The following WDR7 variants were observed in gnomAD, a reference collection of about 807,000 sequenced individuals.
WDR7 encodes the protein WD repeat domain 7, also known as WD repeat-containing protein 7.
In WDR7, 46 loss-of-function variants were observed where a neutral mutation model predicts 169.4. The ratio of observed to expected loss-of-function variants is 0.27; its 90% CI spans 0.21 to 0.35. The LOEUF (loss-of-function observed/expected upper bound fraction) is 0.35. Ranked by LOEUF, WDR7 falls within the 10% of genes least tolerant of loss-of-function variation. The probability of loss-of-function intolerance (pLI) is 1.00; values close to 1 mark genes in which losing one functional copy is unlikely to be tolerated. For synonymous variants in WDR7, 612 were observed against 666.8 expected, an observed-to-expected ratio of 0.92 and a Z score of 1.27; for missense variants, 1,534 against 1,859.3, an observed-to-expected ratio of 0.83 and a Z score of 3.22.
intron 19 of WDR7, among the ~76,000 whole-genome samples, chr18:56,809,103 G>T (rs1345910092): frequency 6.6e-6 from 1 of 151,902 alleles, no homozygotes; most frequent in Non-Finnish European, 1.5e-5. Context: ...TCCTCCTGAT[G>T]CATGATATAA....
intron 16 of WDR7, among the ~76,000 whole-genome samples, chr18:56,765,412 G>A (rs1372884206): frequency 6.6e-6 from 1 of 151,174 alleles, no homozygotes. Flanking sequence ...TATTATTTTA[G>A]TAGTTTTTTT....
chr18:56,880,962 A>G (rs1199910973), intron 21 of WDR7, among the ~76,000 whole-genome samples: 1 of 152,250 alleles, frequency 6.6e-6, no homozygotes, highest in Non-Finnish European at 1.5e-5. Context: ...AGGAACAAAT[A>G]TAGTCCAACT....
chr18:56,704,684 G>T (rs559681941), intron 12 of WDR7, among the ~76,000 whole-genome samples: 10 of 152,120 alleles, frequency 6.6e-5, no homozygotes, highest in Admixed American at 2.6e-4. Context: ...GCAGTGAGAG[G>T]CCCCTTTAAC....
intron 1 of WDR7, among the ~76,000 whole-genome samples, chr18:56,662,136 G>GCC (rs1568123561): frequency 2.6e-5 from 4 of 152,058 alleles, no homozygotes; most frequent in Admixed American, 2.6e-4. Context: ...TCATGTATGC[G>GCC]CATCCTCGTG....
At chr18:56,849,947 G>A (rs1448088600) in intron 20 of WDR7, among the ~76,000 whole-genome samples, 2 of 152,066 alleles carry the variant, frequency 1.3e-5, no homozygotes, top group East Asian at 1.9e-4. Context: ...TGTATGATCT[G>A]CTCCTGTGTG....
At chr18:56,832,280 G>A (rs769355509) in intron 20 of WDR7, among the ~76,000 whole-genome samples, 8 of 152,220 alleles carry the variant, frequency 5.3e-5, no homozygotes, top group East Asian at 1.9e-4. Context: ...TAGAAAGACT[G>A]CCTCTCTAGA....
At chr18:56,904,270 A>G (rs8082914) in intron 21 of WDR7, among the ~76,000 whole-genome samples, 1 of 152,098 alleles carries the variant, frequency 6.6e-6, no homozygotes, top group Non-Finnish European at 1.5e-5. Flanking sequence ...AGGTTTCACC[A>G]TGTTAGCCAG....
chr18:56,990,308 A>G (rs751649332), intron 26 of WDR7, among the ~76,000 whole-genome samples: 2 of 152,212 alleles, frequency 1.3e-5, no homozygotes, highest in Non-Finnish European at 2.9e-5. Flanking sequence ...GCAGGAAAGG[A>G]ACTTGGAGCA....
intron 19 of WDR7, among the ~76,000 whole-genome samples, chr18:56,815,592 G>A (rs1441295765): frequency 3.9e-5 from 6 of 152,166 alleles, no homozygotes; most frequent in Middle Eastern, 6.8e-3. Flanking sequence ...CTTAGCCCCA[G>A]GGCACAAATT....
intron 20 of WDR7, among the ~76,000 whole-genome samples, chr18:56,848,839 A>T (rs1432326400): frequency 6.6e-6 from 1 of 152,148 alleles, no homozygotes; most frequent in Non-Finnish European, 1.5e-5. Context: ...AGCCAAGAAG[A>T]TGCTGGCACC....
chr18:56,937,877 A>G (rs556968837), intron 23 of WDR7, among the ~76,000 whole-genome samples: 6 of 152,346 alleles, frequency 3.9e-5, no homozygotes, highest in African/African-American at 1.4e-4. Flanking sequence ...AACATAAACA[A>G]TTAACACATA....
At chr18:56,914,033 A>G (rs1461654133) in intron 21 of WDR7, among the ~76,000 whole-genome samples, 4 of 152,114 alleles carry the variant, frequency 2.6e-5, no homozygotes, top group African/African-American at 9.7e-5. Context: ...TGACACTTAG[A>G]ATAAAACCCC....
chr18:56,931,974 T>G (rs1568273300), intron 22 of WDR7, among the ~76,000 whole-genome samples: 1 of 152,068 alleles, frequency 6.6e-6, no homozygotes, highest in Non-Finnish European at 1.5e-5. Context: ...GTTTAGAGTT[T>G]TTCCTAGAGG....
chr18:56,719,416 G>T (rs2026266647), intron 13 of WDR7, among the ~76,000 whole-genome samples: 1 of 152,038 alleles, frequency 6.6e-6, no homozygotes, highest in Non-Finnish European at 1.5e-5. Context: ...CAAAAAATTA[G>T]CCGGGCATGT....
chr18:56,962,790 T>C (rs991701219), intron 26 of WDR7, among the ~76,000 whole-genome samples: 1 of 152,174 alleles, frequency 6.6e-6, no homozygotes, highest in Non-Finnish European at 1.5e-5. Context: ...GCAATACATA[T>C]TTTCTTGTTT....
intron 16 of WDR7, 92 bp downstream of exon 16, chr18:56,759,045 T>A (rs1237792115): frequency 1.0e-6 from 1 of 990,480 alleles, no homozygotes; most frequent in Non-Finnish European, 1.4e-6. Flanking sequence ...TATTTGTTTG[T>A]CTTGGATTGT....
chr18:56,657,879 T>G (rs1320492655), intron 1 of WDR7, among the ~76,000 whole-genome samples: 1 of 152,062 alleles, frequency 6.6e-6, no homozygotes, highest in African/African-American at 2.4e-5. Context: ...CTATTTTAAA[T>G]AAAATTGGAT....
chr18:56,840,336 A>G (rs914117799), intron 20 of WDR7, among the ~76,000 whole-genome samples: 3 of 152,180 alleles, frequency 2.0e-5, no homozygotes, highest in Admixed American at 1.3e-4. Flanking sequence ...AAGATATATG[A>G]AAGTAAAAAG....
intron 26 of WDR7, among the ~76,000 whole-genome samples, chr18:56,973,373 TA>T (rs946588010): frequency 2.0e-5 from 3 of 152,336 alleles, no homozygotes; most frequent in Admixed American, 6.5e-5. Context: ...TTATTTTGAG[TA>T]AAAATTCACA....
Sources: gnomAD v4.1 joint callset for allele counts (sites outside exome capture counted in the v4.1 genomes callset) on GRCh38, gnomAD v4.1.1 for gene constraint, MANE v1.5 for transcripts, NCBI Gene and HGNC (gene_info 2026-07-23, HGNC 2026-07-21) for gene names.